The following GARNL3 variants were observed in gnomAD, a reference collection of about 807,000 sequenced individuals.
GARNL3 encodes GTPase activating Rap/RanGAP domain like 3.
Under a neutral mutation model 125.0 loss-of-function variants are expected in GARNL3, and 63 were observed. The observed-to-expected ratio is 0.50, with a 90% CI of 0.41 to 0.62. The LOEUF (loss-of-function observed/expected upper bound fraction) is 0.62. Among genes scored for constraint, GARNL3 ranks in the 20% least tolerant of loss-of-function variants. The pLI is 0.00. For synonymous variants in GARNL3, 439 were observed against 457.5 expected (o/e 0.96, Z 0.52); for missense variants, 994 against 1,244.0 (o/e 0.80, Z 3.02).
intron 1 of GARNL3, among the ~76,000 whole-genome samples, chr9:127,268,440 G>T (rs2063749688): frequency 6.6e-6 from 1 of 152,142 alleles, no homozygotes; most frequent in Non-Finnish European, 1.5e-5. Flanking sequence ...ACATTTCTCT[G>T]TGTCTGTATC....
intron 2 of GARNL3, 60 bp downstream of exon 2, chr9:127,291,302 T>C: frequency 3.5e-6 from 5 of 1,421,406 alleles, no homozygotes; most frequent in Non-Finnish European, 5.0e-6. Flanking sequence ...GTGCCTGGGA[T>C]ATAGCAGTGA....
intron 11 of GARNL3, 59 bp from the exon 12 acceptor site, chr9:127,338,057 C>T (rs565262076): frequency 1.7e-5 from 22 of 1,266,856 alleles, no homozygotes; most frequent in Admixed American, 6.7e-5. Flanking sequence ...ATTTTCAGAG[C>T]GCAAGCTGTC....
At chr9:127,318,175 A>G in intron 5 of GARNL3, 48 bp downstream of exon 5, 2 of 1,098,842 alleles carry the variant, frequency 1.8e-6, no homozygotes, top group Non-Finnish European at 2.8e-6. Context: ...GGAGCCCTTT[A>G]TACACTGTTT....
intron 4 of GARNL3, among the ~76,000 whole-genome samples, chr9:127,315,612 G>A (rs772036392): frequency 9.2e-5 from 14 of 151,790 alleles, no homozygotes; most frequent in Non-Finnish European, 1.9e-4. Flanking sequence ...CTGCACTCCA[G>A]CCTGAGCAAC....
At position 127,385,157 on chromosome 9, in the gene GARNL3, T is replaced by C; in HGVS notation, c.2388+12T>C. 8 of 1,550,856 alleles carry C rather than the reference T, an allele frequency of 5.2e-6. No homozygotes were observed. The highest frequency in any genetic ancestry group is 7.1e-6 in the Non-Finnish European group (8 of 1,132,712). On this transcript the variant is annotated intron_variant, in intron 24 of 27. Coordinates refer to ENST00000373387, the MANE Select transcript of GARNL3 (RefSeq NM_032293.5). The surrounding 1 kb of genome is among the most constrained non-coding windows in gnomAD (Gnocchi z 4.1). ...TGGTGGCCTCCAGGGTGAGTAGGAC[T>C]GGGATTTTATCTCTGAGTGGTTTGG...
At chr9:127,249,988 A>G (rs2063372006) in intron 2 of GARNL3, among the ~76,000 whole-genome samples, 1 of 152,230 alleles carries the variant, frequency 6.6e-6, no homozygotes, top group African/African-American at 2.4e-5. Context: ...TAGCCTGGGC[A>G]ACGAGTGAAA....
upstream of GARNL3, chr9:127,264,588 G>A: frequency 9.3e-7 from 1 of 1,073,916 alleles, no homozygotes; most frequent in Non-Finnish European, 1.1e-6. Context: ...CAGCAGCTTT[G>A]TCCCTTGCCT....
intron 1 of GARNL3, among the ~76,000 whole-genome samples, chr9:127,231,035 C>CATATATGT (rs1554887383): frequency 1.7e-3 from 94 of 55,822 alleles, no homozygotes; most frequent in African/African-American, 7.9e-3. Context: ...TGTATATATA[C>CATATATGT]ATATATATAT....
chr9:127,283,749 A>G (rs964705528), intron 1 of GARNL3, among the ~76,000 whole-genome samples: 3 of 152,200 alleles, frequency 2.0e-5, no homozygotes, highest in Non-Finnish European at 4.4e-5. Flanking sequence ...ACTCAGAAGT[A>G]ATCACTCACA....
intron 18 of GARNL3, 59 bp downstream of exon 18, chr9:127,354,003 C>A: frequency 1.8e-6 from 2 of 1,135,914 alleles, no homozygotes; most frequent in Non-Finnish European, 1.3e-6. Context: ...CCTTCTGCGG[C>A]CCACACCACA....
intron 1 of GARNL3, among the ~76,000 whole-genome samples, chr9:127,231,051 T>TATATATATATATATA (rs756942109): frequency 5.2e-5 from 3 of 58,058 alleles, no homozygotes; most frequent in Admixed American, 2.5e-4. Flanking sequence ...TATATATATA[T>TATATATATATATATA]TTTTTTTTTT....
Position 127,280,731 on chromosome 9 carries a change from G to A in GARNL3, c.145-10437G>A, listed in dbSNP as rs1450781035. On this transcript the variant is annotated intron_variant, in intron 1 of 27. Coordinates refer to ENST00000373387, the MANE Select transcript of GARNL3 (RefSeq NM_032293.5). This position sits in a 1 kb window ranked among gnomAD's most constrained non-coding sequence, Gnocchi z 4.5. ...GGGAAATGGAGTATCAGGGACTACT[G>A]TTCAGATATGATTTTAATTAGAAAG... 6.6e-6 allele frequency among the ~76,000 whole-genome samples: 1 copy of A among 152,176 alleles called. No homozygotes were observed. The highest frequency in any genetic ancestry group is 1.5e-5 in the Non-Finnish European group (1 of 68,042).
chr9:127,362,066 T>TC (rs1421386674), intron 21 of GARNL3: 1 of 145,206 alleles, frequency 6.9e-6, no homozygotes, highest in Admixed American at 6.8e-5. Flanking sequence ...TCTTCATTTC[T>TC]CCTTTTTTTT....
In GARNL3 at chr9:127,329,785, C is replaced by T. The variant is rs1829116276; in HGVS notation, c.595-2489C>T. On this transcript the variant is annotated intron_variant, in intron 7 of 27. Coordinates refer to ENST00000373387, the MANE Select transcript of GARNL3 (RefSeq NM_032293.5). ...TCCGGTCCTACCGTTCACTTAGTTCCAGCCATGCGCAAGTCCCTGTCTTCC... is the reference window on the plus strand; with the variant it reads ...TCCGGTCCTACCGTTCACTTAGTTCTAGCCATGCGCAAGTCCCTGTCTTCC... 1.3e-5 allele frequency among the ~76,000 whole-genome samples: 2 copies of T among 152,148 alleles called. 1 individual carries two copies. The highest frequency in any genetic ancestry group is 3.9e-4 in the East Asian group (2 of 5,190).
At chr9:127,273,561 A>G (rs1181595606) in intron 1 of GARNL3, among the ~76,000 whole-genome samples, 1 of 152,168 alleles carries the variant, frequency 6.6e-6, no homozygotes, top group Non-Finnish European at 1.5e-5. Context: ...AGCTACAAAC[A>G]CTTGGCCTGC....
rs373825550 is a variant in GARNL3 at position 127,368,363 on chromosome 9, C to T, written c.2161+2997C>T. Among the ~76,000 whole-genome samples the T allele has an allele frequency of 4.6e-3, 664 of 145,394 alleles. 1 individual carries two copies. The highest frequency in any genetic ancestry group is 0.016 in the African/African-American group (639 of 39,290). On this transcript the variant is annotated intron_variant, in intron 22 of 27. Transcript: ENST00000373387. ...TTTTTTTTTTCCAGATAGAGTCTAG[C>T]TCTGTAGCCCAGGCTGGAGTGCAGT... is the stretch of plus-strand genomic sequence containing the variant.
intron 1 of GARNL3, among the ~76,000 whole-genome samples, chr9:127,239,038 C>T (rs2063159175): frequency 6.6e-6 from 1 of 152,208 alleles, no homozygotes; most frequent in Non-Finnish European, 1.5e-5. Context: ...ACCAGTCCCA[C>T]ATTTTCCCAT....
intron 22 of GARNL3, among the ~76,000 whole-genome samples, chr9:127,375,015 G>A (rs1310821315): frequency 1.3e-5 from 2 of 152,206 alleles, no homozygotes; most frequent in Non-Finnish European, 1.5e-5. Flanking sequence ...CTCGTAATCA[G>A]TGTTGGTAAG....
rs186362307 is a variant in GARNL3 at position 127,239,855 on chromosome 9, C to T, written c.-28-3224C>T. Reference sequence around the variant, plus strand: ...TGCAAAAAAAGAACTCTAAGAGTAACGATGCCAAAAAGATAAAATTAAATG... The same window carrying T: ...TGCAAAAAAAGAACTCTAAGAGTAATGATGCCAAAAAGATAAAATTAAATG... On this transcript the variant is annotated intron_variant, in intron 1 of 10. Transcript: ENST00000439286. Among the ~76,000 whole-genome samples, 18 of 151,868 alleles carry T rather than the reference C, an allele frequency of 1.2e-4. 1 individual carries two copies. The East Asian group carries it at 2.9e-3, about 25-fold the overall frequency.
Sources: gnomAD v4.1 joint callset for allele counts (sites outside exome capture counted in the v4.1 genomes callset) on GRCh38, gnomAD v4.1.1 for gene constraint, Gnocchi (gnomAD v3.1) non-coding constraint, MANE v1.5 for transcripts, NCBI Gene and HGNC (gene_info 2026-07-23, HGNC 2026-07-21) for gene names.